Variants in SGCD observed in about 807,000 individuals in gnomAD.
The protein encoded by SGCD is delta-sarcoglycan.
Under a neutral mutation model 36.6 loss-of-function variants are expected in SGCD, and 18 were observed. The observed-to-expected ratio is 0.49, with a 90% confidence interval of 0.34 to 0.73. The LOEUF (loss-of-function observed/expected upper bound fraction) is 0.73. SGCD is among the 30% of genes least tolerant of loss of function. The pLI is 0.01. For synonymous variants in SGCD, 133 were observed against 130.6 expected, an observed-to-expected ratio of 1.02 and a Z score of -0.12; for missense variants, 387 against 346.7, an observed-to-expected ratio of 1.12 and a Z score of -0.92.
chr5:156,155,479 G>C (rs1223705705), intron 3 of SGCD, among the ~76,000 whole-genome samples: 1 of 151,454 alleles, frequency 6.6e-6, no homozygotes, highest in East Asian at 1.9e-4. Flanking sequence ...AAACACTGTG[G>C]AGGCCAAACA....
intron 7 of SGCD, among the ~76,000 whole-genome samples, chr5:156,694,613 G>C (rs1754236079): frequency 6.6e-6 from 1 of 151,960 alleles, no homozygotes; most frequent in African/African-American, 2.4e-5. Context: ...CCAGACCCTG[G>C]TACTTTGTTT....
chr5:156,188,889 T>C (rs1016623928), intron 3 of SGCD, among the ~76,000 whole-genome samples: 85 of 152,278 alleles, frequency 5.6e-4, no homozygotes, highest in African/African-American at 1.9e-3. Context: ...CTCAACAGAA[T>C]TCCTCTTCTC....
upstream of SGCD, among the ~76,000 whole-genome samples, chr5:155,866,201 A>G (rs1031985798): frequency 2.6e-5 from 4 of 152,056 alleles, no homozygotes; most frequent in Admixed American, 6.6e-5. Context: ...TTCAGCACAA[A>G]TGAATATTCC....
chr5:156,258,530 G>A (rs1213459343), intron 3 of SGCD, among the ~76,000 whole-genome samples: 1 of 152,064 alleles, frequency 6.6e-6, no homozygotes, highest in East Asian at 1.9e-4. Context: ...AACAAAAATA[G>A]CCACGATTGT....
At chr5:155,753,330 T>C in the SGCD span, among the ~76,000 whole-genome samples, 3,759 of 117,366 alleles carry the variant, frequency 0.032, 254 homozygotes, top group African/African-American at 0.12. Context: ...AGCGAGACTT[T>C]GTCTAAAAAA....
In SGCD at chr5:156,272,223, T is replaced by C. The variant is rs943259723; in HGVS notation, c.-43-57311T>C. ...AGTTCCATTATATTGTGCCTATGCCTCTGCATCCTCATAGCTTAGCTCCCA... is the reference window on the plus strand; with the variant it reads ...AGTTCCATTATATTGTGCCTATGCCCCTGCATCCTCATAGCTTAGCTCCCA... On this transcript the variant is annotated intron_variant, in intron 3 of 9. Coordinates refer to the SGCD transcript ENST00000517913. Among the ~76,000 whole-genome samples the C allele has an allele frequency of 1.2e-4, 19 of 152,310 alleles. No individual in the cohort carries two copies. The South Asian group carries it at 3.7e-3, about 30-fold the overall frequency.
chr5:156,069,347 G>T (rs979901561), intron 1 of SGCD, among the ~76,000 whole-genome samples: 4 of 152,082 alleles, frequency 2.6e-5, no homozygotes, highest in African/African-American at 4.8e-5. Context: ...TATATGGCTA[G>T]CCAGTTTTCC....
intron 4 of SGCD, among the ~76,000 whole-genome samples, chr5:156,539,541 A>C (rs1361915065): frequency 6.6e-6 from 1 of 152,148 alleles, no homozygotes. Context: ...TACTTCACTT[A>C]GAATAATGGC....
intron 1 of SGCD, among the ~76,000 whole-genome samples, chr5:155,997,089 T>A (rs1003406238): frequency 2.0e-5 from 3 of 152,212 alleles, no homozygotes; most frequent in African/African-American, 7.2e-5. Flanking sequence ...TGTTGAGAAA[T>A]TGTGTGAGAA....
At chr5:156,383,733 C>T (rs1771122122) in intron 3 of SGCD, among the ~76,000 whole-genome samples, 1 of 152,124 alleles carries the variant, frequency 6.6e-6, no homozygotes. Context: ...TTGGCTATCT[C>T]TTCACATTAG....
intron 4 of SGCD, among the ~76,000 whole-genome samples, chr5:156,576,178 G>A (rs1759941525): frequency 6.6e-6 from 1 of 151,626 alleles, no homozygotes; most frequent in African/African-American, 2.4e-5. Flanking sequence ...TGCGGTGTTT[G>A]GTTTTCTGTC....
intron 3 of SGCD, among the ~76,000 whole-genome samples, chr5:156,287,548 G>C (rs1766640568): frequency 6.6e-6 from 1 of 152,032 alleles, no homozygotes; most frequent in Middle Eastern, 3.2e-3. Flanking sequence ...ACCGAGGTTT[G>C]ATTCTGGATT....
intron 1 of SGCD, among the ~76,000 whole-genome samples, chr5:156,075,099 T>G (rs1329312045): frequency 6.6e-6 from 1 of 152,156 alleles, no homozygotes; most frequent in Non-Finnish European, 1.5e-5. Flanking sequence ...ATCTCTTCAT[T>G]TATTAAGGAA....
chr5:155,821,974 G>T, the SGCD span, among the ~76,000 whole-genome samples: 1 of 152,122 alleles, frequency 6.6e-6, no homozygotes, highest in Non-Finnish European at 1.5e-5. Context: ...TTTGTCATTG[G>T]ATGTTGGCTA....
intron 3 of SGCD, among the ~76,000 whole-genome samples, chr5:156,161,429 C>A (rs1395394999): frequency 6.6e-6 from 1 of 151,784 alleles, no homozygotes; most frequent in South Asian, 2.1e-4. Flanking sequence ...AAGTGCTTAC[C>A]GCTTTCCAGT....
chr5:156,490,697 G>A (rs1038932022), intron 3 of SGCD, among the ~76,000 whole-genome samples: 1 of 151,944 alleles, frequency 6.6e-6, no homozygotes, highest in African/African-American at 2.4e-5. Flanking sequence ...GCATAGAAGG[G>A]ACGTACCTTG....
At chr5:156,541,639 C>A (rs186158072) in intron 4 of SGCD, among the ~76,000 whole-genome samples, 40 of 151,914 alleles carry the variant, frequency 2.6e-4, no homozygotes, top group African/African-American at 9.4e-4. Context: ...GATGAAGGGG[C>A]GCATCATAAG....
intron 3 of SGCD, among the ~76,000 whole-genome samples, chr5:156,132,091 C>A (rs535308649): frequency 6.6e-6 from 1 of 152,250 alleles, no homozygotes; most frequent in East Asian, 1.9e-4. Flanking sequence ...CTATGCACCT[C>A]CAAGTAATGT....
intron 1 of SGCD, among the ~76,000 whole-genome samples, chr5:156,048,125 A>G (rs1759820119): frequency 6.6e-6 from 1 of 152,140 alleles, no homozygotes; most frequent in Non-Finnish European, 1.5e-5. Flanking sequence ...TTATAGCTCC[A>G]TCCATGTCCC....
Sources: allele counts gnomAD v4.1 joint callset (sites outside exome capture counted in the v4.1 genomes callset), GRCh38; gene constraint gnomAD v4.1.1; transcripts MANE v1.5; gene names NCBI Gene and HGNC (gene_info 2026-07-23, HGNC 2026-07-21).